The following KANK1 variants were observed in gnomAD, a reference collection of about 807,000 sequenced individuals.
KANK1 encodes the protein KN motif and ankyrin repeat domains 1.
Under a neutral mutation model 106.2 loss-of-function variants are expected in KANK1, and 109 were observed. The observed-to-expected ratio is 1.03, with a 90% confidence interval of 0.88 to 1.20. The LOEUF (loss-of-function observed/expected upper bound fraction) is 1.20, where lower values mean the gene tolerates loss of function less well. Ranked by LOEUF, KANK1 falls within the 50% of genes most tolerant of loss-of-function variation. The probability of loss-of-function intolerance (pLI) is 0.00; values close to 1 mark genes in which losing one functional copy is unlikely to be tolerated. For missense variants in KANK1, 2,399 were observed against 1,710.7 expected, an observed-to-expected ratio of 1.40 and a Z score of -7.10; for synonymous variants, 873 against 652.2, an observed-to-expected ratio of 1.34 and a Z score of -5.16.
chr9:671,001 T>G (rs1030488597), intron 1 of KANK1, among the ~76,000 whole-genome samples: 1 of 137,216 alleles, frequency 7.3e-6, no homozygotes, highest in Admixed American at 8.2e-5. Flanking sequence ...CCCCAGGAAC[T>G]GACCGATTCT....
intron 1 of KANK1, among the ~76,000 whole-genome samples, chr9:550,716 G>A (rs146459743): frequency 4.2e-4 from 64 of 152,320 alleles, no homozygotes; most frequent in Non-Finnish European, 8.1e-4. Context: ...AGATACACAA[G>A]CTCTTCACTG....
chr9:499,806 G>C (rs975925254), upstream of KANK1, among the ~76,000 whole-genome samples: 2 of 152,190 alleles, frequency 1.3e-5, no homozygotes, highest in African/African-American at 2.4e-5. Flanking sequence ...TGGCATAGGA[G>C]ACTTTACAAG....
chr9:481,293 A>G (rs958345087), intron 3 of KANK1, among the ~76,000 whole-genome samples: 5 of 136,684 alleles, frequency 3.7e-5, no homozygotes, highest in Non-Finnish European at 7.8e-5. Context: ...AACAAAACAA[A>G]ACAAAAAAAA....
intron 1 of KANK1, among the ~76,000 whole-genome samples, chr9:512,704 C>T (rs1385566827): frequency 6.6e-6 from 1 of 152,038 alleles, no homozygotes; most frequent in Non-Finnish European, 1.5e-5. Context: ...GCAGAGGGGA[C>T]ATCGACCTGC....
intron 1 of KANK1, among the ~76,000 whole-genome samples, chr9:581,109 T>C (rs951703875): frequency 1.3e-5 from 2 of 152,126 alleles, no homozygotes; most frequent in Admixed American, 1.3e-4. Context: ...CCAGAACTCC[T>C]GGCCCGCGAG....
intron 1 of KANK1, among the ~76,000 whole-genome samples, chr9:591,812 C>A (rs182338583): frequency 5.9e-5 from 9 of 151,638 alleles, no homozygotes; most frequent in African/African-American, 2.0e-4. Flanking sequence ...GTGCCCACTA[C>A]GACGCCCAGC....
intron 3 of KANK1, chr9:473,381 A>C (rs2058052832): frequency 1.3e-5 from 2 of 152,220 alleles, no homozygotes; most frequent in Non-Finnish European, 2.9e-5. Context: ...GGTCTGATTC[A>C]GTCTTTCCTA....
At chr9:621,436 A>C (rs1420280528) in intron 1 of KANK1, among the ~76,000 whole-genome samples, 1 of 152,034 alleles carries the variant, frequency 6.6e-6, no homozygotes, top group South Asian at 2.1e-4. Context: ...CATCATTACC[A>C]AAAAAAAGTG....
intron 1 of KANK1, among the ~76,000 whole-genome samples, chr9:655,401 G>A (rs1841928868): frequency 6.9e-6 from 1 of 144,698 alleles, no homozygotes; most frequent in Non-Finnish European, 1.5e-5. Flanking sequence ...ATCCAAGATT[G>A]TGAACCATTA....
chr9:574,377 G>A (rs1318097491), intron 1 of KANK1, among the ~76,000 whole-genome samples: 1 of 148,090 alleles, frequency 6.8e-6, no homozygotes, highest in African/African-American at 2.7e-5. Flanking sequence ...CTGGGAAAAT[G>A]AGCCTCACTT....
rs181663651 is a variant in KANK1 at position 520,420 on chromosome 9, C to T, written c.-84+15666C>T. Among the ~76,000 whole-genome samples, 57 of 151,784 alleles carry T rather than the reference C, an allele frequency of 3.8e-4. 1 individual carries two copies. The highest frequency in any genetic ancestry group is 1.2e-3 in the African/African-American group (49 of 41,086). ...CTTCTGCTTGTGTGTCACTTCTACT[C>T]GCCTTCACTTGGCTGAAGAAAGTCA... On this transcript the variant is annotated intron_variant, in intron 1 of 11. Transcript: ENST00000382297.
At chr9:640,699 ATTT>A (rs770881603) in intron 1 of KANK1, among the ~76,000 whole-genome samples, 1 of 129,752 alleles carries the variant, frequency 7.7e-6, no homozygotes. Flanking sequence ...GCCCGGCCTA[ATTT>A]TTTTTTTTTT....
In KANK1 at chr9:730,233, G is replaced by A. The variant is rs199935861; in HGVS notation, c.2881G>A (p.Ala961Thr). 8.2e-5 allele frequency: 133 copies of A among 1,614,050 alleles called. No individual in the cohort carries two copies. Among genetic ancestry groups the A allele is most frequent in the Non-Finnish European group, 1.0e-4 (121 of 1,180,026 alleles). ...AGTGAACCTGACAGACGACCAGATC[G>A]CCGCTGGCCTCTATGGTAACTTTTC... is the stretch of plus-strand genomic sequence containing the variant. ...SPVNLTDDQI[A>T]AGLYACTNNE... The change falls in exon 4 of 12, where the codon GCC (alanine) becomes ACC (threonine). Residue 961 changes from alanine (A) to threonine (T), a missense_variant. Ala to Thr is a moderately conservative substitution (Grantham distance 58, BLOSUM62 0). Transcript: ENST00000382297.
chr9:633,281 C>G (rs572497602), intron 1 of KANK1, among the ~76,000 whole-genome samples: 145 of 152,044 alleles, frequency 9.5e-4, no homozygotes, highest in African/African-American at 3.4e-3. Context: ...ACGGTGAAAT[C>G]GCATCTCTAC....
chr9:612,776 T>C (rs1391440866), intron 1 of KANK1, among the ~76,000 whole-genome samples: 1 of 152,104 alleles, frequency 6.6e-6, no homozygotes, highest in Non-Finnish European at 1.5e-5. Context: ...ATGTGAGCAA[T>C]ACCTTTGACT....
At chr9:501,957 A>G (rs972619124), upstream of KANK1, among the ~76,000 whole-genome samples, 6 of 152,220 alleles carry the variant, frequency 3.9e-5, no homozygotes, top group African/African-American at 9.7e-5. Context: ...CTATTCAAAG[A>G]TTGTTCTTTT....
intron 1 of KANK1, among the ~76,000 whole-genome samples, chr9:536,328 C>T (rs1302994180): frequency 1.3e-5 from 2 of 151,940 alleles, no homozygotes; most frequent in Non-Finnish European, 2.9e-5. Flanking sequence ...GGCAACAGAG[C>T]GAGACTGTCT....
intron 1 of KANK1, among the ~76,000 whole-genome samples, chr9:522,203 C>G (rs146069455): frequency 6.6e-6 from 1 of 151,626 alleles, no homozygotes; most frequent in African/African-American, 2.4e-5. Flanking sequence ...TCTCATTTTA[C>G]GATTCTGTTT....
intron 1 of KANK1, among the ~76,000 whole-genome samples, chr9:613,806 CTG>C (rs144887300): frequency 0.053 from 8,086 of 152,162 alleles, 273 homozygotes; most frequent in African/African-American, 0.07. Flanking sequence ...GTAAAAAAGA[CTG>C]TATTCACTAG....
Sources: allele counts gnomAD v4.1 joint callset (sites outside exome capture counted in the v4.1 genomes callset), GRCh38; gene constraint gnomAD v4.1.1; transcripts MANE v1.5; gene names NCBI Gene and HGNC (gene_info 2026-07-23, HGNC 2026-07-21).